The following LPAR1 variants were observed in gnomAD, a reference collection of about 807,000 sequenced individuals.
LPAR1 encodes lysophosphatidic acid receptor 1.
A neutral mutation model predicts 23.8 loss-of-function variants in LPAR1; 5 were observed. That is an observed-to-expected ratio of 0.21 (90% CI 0.11 to 0.44). LPAR1 has a LOEUF of 0.44. Among genes scored for constraint, LPAR1 ranks in the 20% least tolerant of loss-of-function variants. The pLI is 0.99. For synonymous variants in LPAR1, 160 were observed against 164.7 expected (o/e 0.97, Z 0.22); for missense variants, 311 against 482.8 (o/e 0.64, Z 3.33).
At chr9:110,927,682 T>C (rs1336829963) in intron 5 of LPAR1, among the ~76,000 whole-genome samples, 1 of 152,102 alleles carries the variant, frequency 6.6e-6, no homozygotes, top group Non-Finnish European at 1.5e-5. Flanking sequence ...TTTTATAAAA[T>C]TTAGCTGTAA....
intron 5 of LPAR1, among the ~76,000 whole-genome samples, chr9:110,939,920 T>C (rs1043465804): frequency 3.9e-5 from 6 of 152,264 alleles, no homozygotes; most frequent in Non-Finnish European, 8.8e-5. Context: ...TGTTATTTAA[T>C]GTCTCATGTT....
intron 2 of LPAR1, among the ~76,000 whole-genome samples, chr9:110,995,681 C>T (rs1367697616): frequency 2.0e-5 from 3 of 152,140 alleles, no homozygotes; most frequent in African/African-American, 4.8e-5. Flanking sequence ...AAAGAGCTGG[C>T]CTCATTCTTT....
rs143615495 is a variant in LPAR1 at position 110,875,648 on chromosome 9, G to A, written c.868C>T (p.Leu290=). ...LDVCCPQCDV[L]AYEKFFLLLA... is the part of the protein sequence containing the mutation. ...AGAAGGAAGAATTTCTCATAGGCCA[G>A]CACGTCGCACTGTGGACAGCACACG... The change falls in exon 6 of 6, where the codon CTG becomes TTG. Residue 290 remains leucine (L), a synonymous_variant. Transcript: ENST00000683809. 6 of 1,613,894 alleles carry A rather than the reference G, an allele frequency of 3.7e-6. No individual in the cohort carries two copies. The highest frequency in any genetic ancestry group is 1.1e-5 in the South Asian group (1 of 91,078).
intron 2 of LPAR1, among the ~76,000 whole-genome samples, chr9:110,974,158 C>CA (rs11387116): frequency 0.8 from 120,448 of 149,696 alleles, 48,973 homozygotes; most frequent in Middle Eastern, 0.87. Flanking sequence ...GACTCCGTCT[C>CA]AAAAAAAAAA....
intron 5 of LPAR1, among the ~76,000 whole-genome samples, chr9:110,939,424 G>GA (rs2094943532): frequency 1.3e-5 from 2 of 152,120 alleles, no homozygotes; most frequent in Non-Finnish European, 2.9e-5. Flanking sequence ...TCCATGTTCT[G>GA]AAAGTTCTTC....
At chr9:110,977,099 A>T (rs549439208) in intron 2 of LPAR1, among the ~76,000 whole-genome samples, 1 of 152,308 alleles carries the variant, frequency 6.6e-6, no homozygotes, top group Non-Finnish European at 1.5e-5. Context: ...AAGGACTAAA[A>T]CACGATATCC....
intron 2 of LPAR1, among the ~76,000 whole-genome samples, chr9:111,011,704 T>C (rs952002622): frequency 2.6e-5 from 4 of 152,134 alleles, no homozygotes; most frequent in African/African-American, 7.2e-5. Context: ...AAACACAATA[T>C]AGTACCCTTG....
chr9:110,886,420 G>GAA (rs5899920), intron 5 of LPAR1, among the ~76,000 whole-genome samples: 13,140 of 116,946 alleles, frequency 0.11, 877 homozygotes, highest in East Asian at 0.19. Context: ...ATAACCAAAG[G>GAA]AAAAAAAAAA....
Position 110,977,851 on chromosome 9 carries a change from GGAAGGAAGGAA to G in LPAR1, c.-181-4304_-181-4294del, listed in dbSNP as rs1564228173. On this transcript the variant is annotated intron_variant, in intron 2 of 5. Transcript: ENST00000683809. ...GGGAGGGAGGGAAGGAAGGAGGGAA[GGAAGGAAGGAA>G]GGAAGGAAGGAAGGAAGGAAGGAAG... Among the ~76,000 whole-genome samples the G allele has an allele frequency of 1.3e-3, 43 of 32,276 alleles. No individual in the cohort carries two copies. In the Middle Eastern group the frequency reaches 0.056, roughly 42 times the overall value. 21.2% of individuals were successfully genotyped at this position (32,276 alleles called of 152,430 possible). A position where few individuals can be genotyped will look rare whatever the true frequency, so the allele number is the denominator to read the frequency against.
chr9:110,936,956 A>T (rs547718117), intron 5 of LPAR1, among the ~76,000 whole-genome samples: 1 of 152,262 alleles, frequency 6.6e-6, no homozygotes, highest in South Asian at 2.1e-4. Context: ...AGTGGAAACG[A>T]CTCAGAAGGA....
At chr9:110,991,467 G>C (rs1294963052) in intron 2 of LPAR1, among the ~76,000 whole-genome samples, 2 of 152,164 alleles carry the variant, frequency 1.3e-5, no homozygotes, top group African/African-American at 2.4e-5. Flanking sequence ...TCTATAACTA[G>C]ATAGACTCTT....
intron 2 of LPAR1, among the ~76,000 whole-genome samples, chr9:110,995,496 C>T (rs1489277330): frequency 6.6e-6 from 1 of 152,130 alleles, no homozygotes; most frequent in African/African-American, 2.4e-5. Flanking sequence ...CATTCTTCCT[C>T]ATTGAAAACC....
intron 5 of LPAR1, among the ~76,000 whole-genome samples, chr9:110,927,146 T>C (rs2094102655): frequency 6.6e-6 from 1 of 152,080 alleles, no homozygotes; most frequent in South Asian, 2.1e-4. Flanking sequence ...CCAAAGTCAA[T>C]TCAACGAGTA....
chr9:111,026,202 T>C (rs560054472), intron 2 of LPAR1, among the ~76,000 whole-genome samples: 1 of 152,358 alleles, frequency 6.6e-6, no homozygotes, highest in South Asian at 2.1e-4. Flanking sequence ...TCTTGTTTCC[T>C]TGAGCACTGG....
In LPAR1 at chr9:110,914,363, G is replaced by A. The variant is rs543478521; in HGVS notation, c.793+27058C>T. Among the ~76,000 whole-genome samples, 9 of 152,314 alleles carry A rather than the reference G, an allele frequency of 5.9e-5. No homozygotes were observed. The South Asian group carries it at 1.7e-3, about 28-fold the overall frequency. ...GAAGGCAAAAGGTACATCTTACATG[G>A]CGGCAAGCAAGAGGGAGAATGAGAG... On this transcript the variant is annotated intron_variant, in intron 5 of 5. Transcript: ENST00000683809.
intron 5 of LPAR1, among the ~76,000 whole-genome samples, chr9:110,912,965 G>A (rs992833856): frequency 3.3e-5 from 5 of 152,184 alleles, no homozygotes; most frequent in Non-Finnish European, 7.3e-5. Context: ...ACTGTCATAC[G>A]AACAAGGTTG....
At chr9:110,891,356 A>G (rs2084108585) in intron 5 of LPAR1, among the ~76,000 whole-genome samples, 1 of 152,226 alleles carries the variant, frequency 6.6e-6, no homozygotes, top group Admixed American at 6.5e-5. Context: ...AACTAGTACC[A>G]TATTCTTGAA....
At chr9:111,037,825 C>T (rs1424342481) in intron 1 of LPAR1, 4 of 152,210 alleles carry the variant, frequency 2.6e-5, no homozygotes, top group Non-Finnish European at 5.9e-5. Flanking sequence ...CTGGGCGGGC[C>T]CCGGGGCGCA....
At chr9:110,883,894 G>A (rs1166378744) in intron 5 of LPAR1, among the ~76,000 whole-genome samples, 2 of 152,230 alleles carry the variant, frequency 1.3e-5, no homozygotes, top group East Asian at 1.9e-4. Context: ...TACATACCTA[G>A]GTGGCACATT....
Sources: gnomAD v4.1 joint callset for allele counts (sites outside exome capture counted in the v4.1 genomes callset) on GRCh38, gnomAD v4.1.1 for gene constraint, MANE v1.5 for transcripts, NCBI Gene and HGNC (gene_info 2026-07-23, HGNC 2026-07-21) for gene names.